Variants in SASH1 observed in about 807,000 individuals in gnomAD.
The protein encoded by SASH1 is SAM and SH3 domain-containing protein 1.
A neutral mutation model predicts 125.2 loss-of-function variants in SASH1; 44 were observed. The ratio of observed to expected loss-of-function variants is 0.35; its 90% CI spans 0.28 to 0.45. The LOEUF (loss-of-function observed/expected upper bound fraction) is 0.45. Ranked by LOEUF, SASH1 falls within the 20% of genes least tolerant of loss-of-function variation. The probability of loss-of-function intolerance (pLI) is 1.00; values close to 1 mark genes in which losing one functional copy is unlikely to be tolerated. For synonymous variants in SASH1, 639 were observed against 649.1 expected, an observed-to-expected ratio of 0.98 and a Z score of 0.24; for missense variants, 1,426 against 1,614.5, an observed-to-expected ratio of 0.88 and a Z score of 2.00.
chr6:148,262,650 G>A, the SASH1 span, among the ~76,000 whole-genome samples: 20 of 152,288 alleles, frequency 1.3e-4, no homozygotes, highest in African/African-American at 4.8e-4. Context: ...TTGGGAGGCC[G>A]AGGCAGGCAG....
At chr6:148,272,560 C>T (rs1236956703) in intron 1 of SASH1, among the ~76,000 whole-genome samples, 2 of 152,264 alleles carry the variant, frequency 1.3e-5, no homozygotes, top group South Asian at 4.1e-4. Flanking sequence ...GTGACTGCTT[C>T]GGAATTCCTT....
At chr6:148,247,546 G>A in the SASH1 span, among the ~76,000 whole-genome samples, 3 of 152,270 alleles carry the variant, frequency 2.0e-5, no homozygotes, top group East Asian at 1.9e-4. Context: ...TTATGGAGAC[G>A]CCTTTAACAG....
At chr6:148,349,160 G>A (rs1781617431) in intron 1 of SASH1, among the ~76,000 whole-genome samples, 2 of 151,792 alleles carry the variant, frequency 1.3e-5, no homozygotes, top group South Asian at 2.1e-4. Context: ...TAAGGTTTGT[G>A]GGCACCGGTG....
chr6:148,302,341 A>AAAAAAAAT lies in SASH1; in HGVS notation n.74+29964_74+29965insAAAAAAAT, dbSNP rs34513109. Among the ~76,000 whole-genome samples the AAAAAAAAT allele has an allele frequency of 2.8e-4, 29 of 104,442 alleles. 6 individuals are homozygous for AAAAAAAAT. The highest frequency in any genetic ancestry group is 1.9e-3 in the East Asian group (5 of 2,566). 68.5% of individuals were successfully genotyped at this position (104,442 alleles called of 152,430 possible). A position where few individuals can be genotyped will look rare whatever the true frequency, so the allele number is the denominator to read the frequency against. ...AAAAAAAAAAAAAAAAAAAAAAAAA[A>AAAAAAAAT]CTAGTAATATTATGACCTTGGTTAA... is the stretch of plus-strand genomic sequence containing the variant. On this transcript the variant is annotated intron_variant and non_coding_transcript_variant, in intron 1 of 3. Transcript: ENST00000367469.
At chr6:148,296,619 A>G (rs1203651437) in intron 1 of SASH1, among the ~76,000 whole-genome samples, 1 of 152,194 alleles carries the variant, frequency 6.6e-6, no homozygotes, top group African/African-American at 2.4e-5. Context: ...TGACCCAAGG[A>G]CAGTTGGTTC....
chr6:148,337,316 C>A (rs1781189904), intron 1 of SASH1, among the ~76,000 whole-genome samples: 1 of 151,896 alleles, frequency 6.6e-6, no homozygotes. Flanking sequence ...CTCCGCCTCC[C>A]AGGTTCATGC....
In SASH1 at chr6:148,540,532, G is replaced by C. The variant is rs770015519; in HGVS notation, c.2185G>C (p.Glu729Gln). Residue 729 changes from glutamate to glutamine, a missense_variant, in exon 17 of 20, where the codon GAA becomes CAA. Glu to Gln is a conservative substitution (Grantham distance 29). Transcript: ENST00000367467. ...CTCACCCCGAGACTCAGGATGCTAC[G>C]AAAGCAGTGAGAACCTGGAAAACGG... is the stretch of plus-strand genomic sequence containing the variant. The part of the protein sequence containing the change: ...GCSPRDSGCY[E>Q]SSENLENGKT... 6.2e-7 allele frequency: 1 copy of C among 1,613,844 alleles called. No homozygotes were observed.
chr6:148,420,501 AC>A (rs1451145545), intron 2 of SASH1, among the ~76,000 whole-genome samples: 1 of 152,176 alleles, frequency 6.6e-6, no homozygotes, highest in African/African-American at 2.4e-5. Flanking sequence ...CTGAAGATAC[AC>A]CAGTGAAGAA....
chr6:148,236,142 C>A, the SASH1 span, among the ~76,000 whole-genome samples: 9 of 152,214 alleles, frequency 5.9e-5, 1 homozygote, highest in African/African-American at 1.9e-4. Flanking sequence ...CTATCCCAAG[C>A]TATTCCAGAG....
chr6:148,429,692 A>G (rs946531136), intron 2 of SASH1, among the ~76,000 whole-genome samples: 3 of 151,778 alleles, frequency 2.0e-5, no homozygotes, highest in East Asian at 3.9e-4. Flanking sequence ...GTAGCGAGCT[A>G]TGGTCACACC....
chr6:148,459,398 C>T (rs1015198429), intron 4 of SASH1, among the ~76,000 whole-genome samples: 1 of 152,196 alleles, frequency 6.6e-6, no homozygotes, highest in Non-Finnish European at 1.5e-5. Flanking sequence ...CCATGGGCCT[C>T]CCCTGTGGAG....
intron 1 of SASH1, among the ~76,000 whole-genome samples, chr6:148,374,593 T>C (rs1475552251): frequency 1.3e-5 from 2 of 152,198 alleles, no homozygotes; most frequent in African/African-American, 2.4e-5. Context: ...TAACCCTGTG[T>C]AGAATGTGAC....
intron 9 of SASH1, among the ~76,000 whole-genome samples, chr6:148,516,766 A>ACTC (rs1219785810): frequency 6.6e-6 from 1 of 151,966 alleles, no homozygotes; most frequent in East Asian, 1.9e-4. Context: ...ACTCCTGGCC[A>ACTC]CTCAGCCAGC....
At position 148,495,100 on chromosome 6, in the gene SASH1, G is replaced by A. The variant is rs1207955948; in HGVS notation, c.729+7385G>A. 2.6e-5 allele frequency among the ~76,000 whole-genome samples: 4 copies of A among 152,172 alleles called. No homozygotes were observed. Among genetic ancestry groups the A allele is most frequent in the Non-Finnish European group, 4.4e-5 (3 of 68,022 alleles). On this transcript the variant is annotated intron_variant, in intron 8 of 19. Coordinates refer to ENST00000367467, the MANE Select transcript of SASH1 (RefSeq NM_015278.5). The surrounding 1 kb of genome is among the most constrained non-coding windows in gnomAD (Gnocchi z 4.0). ...AGGAAAGGTAGTCACAGCCCTAGTC[G>A]AAATAGAACATTCTGAAAGATAATT...
Position 148,544,186 on chromosome 6 carries a change from T to C in SASH1, c.2716T>C (p.Leu906=), listed in dbSNP as rs765532475. 8.1e-6 allele frequency: 13 copies of C among 1,614,072 alleles called. No homozygotes were observed. The Admixed American group carries it at 8.3e-5, about 10-fold the overall frequency. ...CAAGAGATTTTCTGAACCTCAGAAA[T>C]TGACAACTAAGAAACTGGAGGGCTC... ...QSKRFSEPQK[L]TTKKLEGSIA... Residue 906 remains leucine (L), a synonymous_variant, in exon 18 of 20, where the codon TTG becomes CTG. Coordinates refer to ENST00000367467, the MANE Select transcript of SASH1 (RefSeq NM_015278.5). The surrounding 1 kb of genome is among the most constrained non-coding windows in gnomAD (Gnocchi z 6.4).
chr6:148,344,561 T>C (rs1034719691), intron 1 of SASH1, among the ~76,000 whole-genome samples: 1 of 152,108 alleles, frequency 6.6e-6, no homozygotes, highest in Non-Finnish European at 1.5e-5. Flanking sequence ...GAAAAATGTA[T>C]ATAAATATGC....
chr6:148,513,449 G>T, intron 8 of SASH1: 1 of 985,464 alleles, frequency 1.0e-6, no homozygotes, highest in Non-Finnish European at 1.2e-6. Context: ...ATACAACAGA[G>T]GAAGCTGCAT....
At chr6:148,351,650 CTTTTT>C (rs67177596) in intron 1 of SASH1, among the ~76,000 whole-genome samples, 7 of 116,028 alleles carry the variant, frequency 6.0e-5, no homozygotes, top group East Asian at 2.5e-4. Context: ...TTACTCACCG[CTTTTT>C]TTTTTTTTTT....
chr6:148,280,699 T>A (rs1251384200), intron 1 of SASH1, among the ~76,000 whole-genome samples: 2 of 152,046 alleles, frequency 1.3e-5, no homozygotes, highest in Non-Finnish European at 2.9e-5. Context: ...TCCCAGCTAC[T>A]CGGGAGGCTG....
Sources: gnomAD v4.1 joint callset for allele counts (sites outside exome capture counted in the v4.1 genomes callset) on GRCh38, gnomAD v4.1.1 for gene constraint, Gnocchi (gnomAD v3.1) non-coding constraint, MANE v1.5 for transcripts, NCBI Gene and HGNC (gene_info 2026-07-23, HGNC 2026-07-21) for gene names.